The following FMN1 variants were observed in gnomAD, a reference collection of about 807,000 sequenced individuals.
FMN1 encodes formin-1.
A neutral mutation model predicts 132.4 loss-of-function variants in FMN1; 110 were observed. The ratio of observed to expected loss-of-function variants is 0.83; its 90% CI spans 0.71 to 0.97. FMN1 has a LOEUF of 0.97. FMN1 is among the 50% of genes least tolerant of loss of function. The probability of loss-of-function intolerance (pLI) is 0.00; values close to 1 mark genes in which losing one functional copy is unlikely to be tolerated. For missense variants in FMN1, 1,792 were observed against 1,705.3 expected (o/e 1.05, Z -0.90); for synonymous variants, 722 against 651.7 (o/e 1.11, Z -1.64).
chr15:33,128,687 C>A (rs1348855816), intron 4 of FMN1, among the ~76,000 whole-genome samples: 1 of 152,198 alleles, frequency 6.6e-6, no homozygotes, highest in African/African-American at 2.4e-5. Context: ...TCACTGACTT[C>A]ACGAATAAAC....
chr15:33,073,877 C>T (rs145899226), intron 5 of FMN1, among the ~76,000 whole-genome samples: 197 of 152,104 alleles, frequency 1.3e-3, no homozygotes, highest in Non-Finnish European at 1.0e-3. Flanking sequence ...ATTATAGTTG[C>T]GTGTCACCAC....
intron 14 of FMN1, 72 bp from the exon 15 acceptor site, chr15:32,898,965 A>G: frequency 9.6e-7 from 1 of 1,043,546 alleles, no homozygotes; most frequent in Middle Eastern, 2.1e-4. Context: ...TGAGAGGTGA[A>G]ATCTCAGTTG....
At chr15:32,911,325 A>G (rs1269917598) in intron 10 of FMN1, among the ~76,000 whole-genome samples, 5 of 149,852 alleles carry the variant, frequency 3.3e-5, no homozygotes, top group Middle Eastern at 3.2e-3. Flanking sequence ...TTCAAAACTA[A>G]TAAGGTTTGT....
chr15:33,167,357 C>G (rs1965150278), intron 3 of FMN1, among the ~76,000 whole-genome samples: 1 of 152,182 alleles, frequency 6.6e-6, no homozygotes, highest in Non-Finnish European at 1.5e-5. Context: ...TTGCCTTCAC[C>G]ATGATTGTGA....
intron 4 of FMN1, among the ~76,000 whole-genome samples, chr15:33,100,974 T>C (rs373282232): frequency 2.6e-5 from 4 of 152,232 alleles, no homozygotes; most frequent in African/African-American, 7.2e-5. Flanking sequence ...TACCCTGATT[T>C]TAAACACATA....
At chr15:32,852,442 G>A (rs1036389340) in intron 17 of FMN1, among the ~76,000 whole-genome samples, 1 of 152,136 alleles carries the variant, frequency 6.6e-6, no homozygotes, top group African/African-American at 2.4e-5. Context: ...GGAGTACGGA[G>A]AATGATAGTT....
intron 4 of FMN1, among the ~76,000 whole-genome samples, chr15:33,128,662 G>A (rs560614429): frequency 7.9e-5 from 12 of 152,144 alleles, no homozygotes; most frequent in South Asian, 4.1e-4. Flanking sequence ...CGGATGCTCC[G>A]GTGAGTTTGT....
At chr15:33,159,239 T>C (rs908907279) in intron 3 of FMN1, among the ~76,000 whole-genome samples, 6 of 152,112 alleles carry the variant, frequency 3.9e-5, no homozygotes, top group East Asian at 1.9e-4. Context: ...TGGTGGTTAA[T>C]TGGATATGCG....
chr15:33,018,635 A>G (rs997373998), intron 6 of FMN1, among the ~76,000 whole-genome samples: 1 of 152,140 alleles, frequency 6.6e-6, no homozygotes. Flanking sequence ...TATCCTTTGT[A>G]CCATTGTGTC....
At chr15:33,193,200 T>C (rs1051676387) in intron 2 of FMN1, among the ~76,000 whole-genome samples, 5 of 152,186 alleles carry the variant, frequency 3.3e-5, no homozygotes, top group East Asian at 1.9e-4. Context: ...CATTGATTCA[T>C]TGTGGAAGCA....
intron 4 of FMN1, among the ~76,000 whole-genome samples, chr15:33,128,926 T>C (rs1213284370): frequency 6.6e-6 from 1 of 152,066 alleles, no homozygotes; most frequent in Non-Finnish European, 1.5e-5. Context: ...TGCTTATTGG[T>C]CCATTTTACA....
In FMN1 at chr15:32,793,480, C is replaced by T. The variant is rs143623928; in HGVS notation, c.4130+5324G>A. Among the ~76,000 whole-genome samples the T allele has an allele frequency of 5.6e-3, 845 of 152,164 alleles. 9 individuals carry two copies. Among genetic ancestry groups the T allele is most frequent in the African/African-American group, 0.019 (788 of 41,510 alleles). On this transcript the variant is annotated intron_variant, in intron 19 of 20. Transcript: ENST00000616417. ...TTTTTTAGTAGAGATGAGGTTTCACCATGTTGGCCAGGCTGATCTTGAACG... is the reference window on the plus strand; with the variant it reads ...TTTTTTAGTAGAGATGAGGTTTCACTATGTTGGCCAGGCTGATCTTGAACG...
chr15:32,973,210 C>A lies in FMN1; in HGVS notation c.2224-3733G>T, dbSNP rs140569028. Among the ~76,000 whole-genome samples, 133 of 152,328 alleles carry A rather than the reference C, an allele frequency of 8.7e-4. 1 individual carries two copies. The highest frequency in any genetic ancestry group is 3.0e-3 in the African/African-American group (126 of 41,584). On this transcript the variant is annotated intron_variant, in intron 7 of 20. Transcript: ENST00000616417. Reference sequence around the variant, plus strand: ...AGACTAACATGAACTTTTTAGCACACACACATCAACAGCTCTTCTGATCTG... The same window carrying A: ...AGACTAACATGAACTTTTTAGCACAAACACATCAACAGCTCTTCTGATCTG...
chr15:33,021,964 T>C (rs907030037), intron 6 of FMN1, among the ~76,000 whole-genome samples: 2 of 152,150 alleles, frequency 1.3e-5, no homozygotes, highest in African/African-American at 4.8e-5. Context: ...TCAACTACAA[T>C]TGAAAGTAAC....
At chr15:32,860,764 C>G (rs1468187508) in intron 16 of FMN1, 3 of 152,144 alleles carry the variant, frequency 2.0e-5, no homozygotes, top group African/African-American at 7.2e-5. Flanking sequence ...ACCAAGGGGT[C>G]ACCGTCTCTG....
intron 19 of FMN1, among the ~76,000 whole-genome samples, chr15:32,779,396 T>TA (rs1724297430): frequency 1.3e-5 from 2 of 152,226 alleles, no homozygotes; most frequent in African/African-American, 4.8e-5. Flanking sequence ...TTGGCAAATG[T>TA]AAACAATTAG....
intron 7 of FMN1, among the ~76,000 whole-genome samples, chr15:33,001,728 C>G (rs2034131131): frequency 1.4e-5 from 2 of 142,086 alleles, no homozygotes; most frequent in East Asian, 2.2e-4. Context: ...TCCTCCTCCT[C>G]TTCTTTTTTG....
At position 33,151,224 on chromosome 15, in the gene FMN1, A is replaced by G. The variant is rs1226931211; in HGVS notation, c.1867+1824T>C. ...GCTGGAGGCCCTATAGGAAGTCTCC[A>G]CAGTAGAGAAGTTACCCATATCAAA... is the stretch of plus-strand genomic sequence containing the variant. On this transcript the variant is annotated intron_variant, in intron 4 of 20. Transcript: ENST00000616417. 1.2e-5 allele frequency: 19 copies of G among 1,534,080 alleles called. No homozygotes were observed. In the East Asian group the frequency reaches 4.2e-4, roughly 34 times the overall value.
intron 4 of FMN1, among the ~76,000 whole-genome samples, chr15:33,124,816 C>G (rs1962895890): frequency 6.7e-6 from 1 of 150,364 alleles, no homozygotes; most frequent in African/African-American, 2.4e-5. Flanking sequence ...CAATTCAATA[C>G]TAGATGAAAA....
Sources: allele counts gnomAD v4.1 joint callset (sites outside exome capture counted in the v4.1 genomes callset), GRCh38; gene constraint gnomAD v4.1.1; transcripts MANE v1.5; gene names NCBI Gene and HGNC (gene_info 2026-07-23, HGNC 2026-07-21).